Variants in FHOD3 observed in about 807,000 individuals in gnomAD.
FHOD3 encodes formin homology 2 domain containing 3.
A neutral mutation model predicts 173.0 loss-of-function variants in FHOD3; 90 were observed. The observed-to-expected ratio is 0.52, with a 90% confidence interval of 0.44 to 0.62. The LOEUF (loss-of-function observed/expected upper bound fraction) is 0.62. FHOD3 is among the 20% of genes least tolerant of loss of function. FHOD3 has a pLI of 0.00. For missense variants in FHOD3, 1,945 were observed against 2,034.7 expected (o/e 0.96, Z 0.85); for synonymous variants, 828 against 823.0 (o/e 1.01, Z -0.10).
At chr18:36,608,281 G>A (rs997488465) in intron 8 of FHOD3, among the ~76,000 whole-genome samples, 3 of 152,254 alleles carry the variant, frequency 2.0e-5, no homozygotes, top group Non-Finnish European at 4.4e-5. Flanking sequence ...ATCTGGCCAG[G>A]CCCTTCTTTT....
At chr18:36,686,558 G>A (rs546090340) in intron 15 of FHOD3, among the ~76,000 whole-genome samples, 15 of 151,682 alleles carry the variant, frequency 9.9e-5, no homozygotes, top group South Asian at 4.2e-4. Context: ...CTTAGGTGAC[G>A]GGTTGATAGG....
chr18:36,395,270 T>A (rs1168680945), intron 3 of FHOD3, among the ~76,000 whole-genome samples: 1 of 149,530 alleles, frequency 6.7e-6, no homozygotes, highest in Non-Finnish European at 1.5e-5. Flanking sequence ...TGAGCCAAGA[T>A]CATGCCACTG....
chr18:36,553,356 C>G (rs2057740545), intron 5 of FHOD3, among the ~76,000 whole-genome samples: 1 of 152,170 alleles, frequency 6.6e-6, no homozygotes, highest in African/African-American at 2.4e-5. Context: ...GGAGGATTCC[C>G]TCTTTTTCTG....
Position 36,709,133 on chromosome 18 carries a change from C to T in FHOD3, c.2275C>T (p.Pro759Ser). The change falls in exon 18 of 29, where the codon CCG (proline) becomes TCG (serine). Residue 759 changes from proline (P) to serine (S), a missense_variant. Pro to Ser is a moderately conservative substitution (Grantham distance 74, BLOSUM62 -1). Transcript: ENST00000590592. Reference sequence around the variant, plus strand: ...TCCTGAACCCGAATCAGAGGCAGAACCGGAAGCAGAGGCAGGGGCGGGGCA... The same window carrying T: ...TCCTGAACCCGAATCAGAGGCAGAATCGGAAGCAGAGGCAGGGGCGGGGCA... ...GDPEPESEAE[P>S]EAEAGAGQVA... The T allele has an allele frequency of 1.2e-6, 2 of 1,613,906 alleles. No homozygotes were observed. Among genetic ancestry groups the T allele is most frequent in the Non-Finnish European group, 8.5e-7 (1 of 1,179,810 alleles).
intron 7 of FHOD3, among the ~76,000 whole-genome samples, chr18:36,595,701 G>A (rs1018867017): frequency 4.6e-5 from 7 of 152,308 alleles, no homozygotes; most frequent in African/African-American, 9.6e-5. Flanking sequence ...GGCGAAGAAC[G>A]AGCTTCTGCT....
At chr18:36,652,460 T>G (rs929408520) in intron 11 of FHOD3, 110 bp from the exon 12 acceptor site, 1 of 1,281,960 alleles carries the variant, frequency 7.8e-7, no homozygotes, top group African/African-American at 1.5e-5. Flanking sequence ...TTGAAGTGAG[T>G]GATAATAGTA....
chr18:36,488,870 G>A (rs1162543414), intron 3 of FHOD3, among the ~76,000 whole-genome samples: 1 of 152,210 alleles, frequency 6.6e-6, no homozygotes, highest in African/African-American at 2.4e-5. Flanking sequence ...GTGTCAGGAT[G>A]AGGACTTTGA....
At position 36,755,245 on chromosome 18, in the gene FHOD3, G is replaced by T. The variant is rs772743596; in HGVS notation, c.4359G>T (p.Leu1453Phe). 6.2e-7 allele frequency: 1 copy of T among 1,612,338 alleles called. No individual in the cohort carries two copies. Among genetic ancestry groups the T allele is most frequent in the South Asian group, 1.1e-5 (1 of 90,842 alleles). Residue 1453 changes from leucine (L) to phenylalanine (F), a missense_variant, in exon 25 of 29, where the codon TTG becomes TTT. By Grantham distance (22) the Leu-to-Phe change is conservative (BLOSUM62 0). This residue lies in a region of FHOD3 where 354 missense variants were observed against 359.9 expected (regional missense o/e 0.98). Transcript: ENST00000590592. ...LEYRTTRERV[L>F]QQKQKRANHR... Reference sequence around the variant, plus strand: ...ATCGCACAACCAGGGAAAGGGTTTTGCAGCAGAAACAGAAACGGGCCAACC... The same window carrying T: ...ATCGCACAACCAGGGAAAGGGTTTTTCAGCAGAAACAGAAACGGGCCAACC...
intron 3 of FHOD3, among the ~76,000 whole-genome samples, chr18:36,489,105 C>T (rs540932774): frequency 4.2e-4 from 64 of 152,202 alleles, no homozygotes; most frequent in Admixed American, 1.0e-3. Context: ...TGGTTTCCAG[C>T]CCTTGAGCTA....
At chr18:36,375,101 A>G (rs1337281604) in intron 3 of FHOD3, among the ~76,000 whole-genome samples, 4 of 152,224 alleles carry the variant, frequency 2.6e-5, no homozygotes, top group African/African-American at 7.2e-5. Context: ...AATGTGTGCA[A>G]TCATGTTGAT....
At chr18:36,648,687 A>G (rs1000618859) in intron 10 of FHOD3, among the ~76,000 whole-genome samples, 1 of 152,096 alleles carries the variant, frequency 6.6e-6, no homozygotes, top group Non-Finnish European at 1.5e-5. Flanking sequence ...CCCAGGTGTG[A>G]TATGAATTGG....
At chr18:36,464,528 A>C (rs116466285) in intron 3 of FHOD3, among the ~76,000 whole-genome samples, 5,318 of 152,298 alleles carry the variant, frequency 0.035, 290 homozygotes, top group African/African-American at 0.12. Context: ...AGCCCAGTCA[A>C]GGAAACTTGG....
chr18:36,730,253 C>T (rs964279968), intron 19 of FHOD3, among the ~76,000 whole-genome samples: 1 of 152,166 alleles, frequency 6.6e-6, no homozygotes, highest in Non-Finnish European at 1.5e-5. Context: ...TCTCTGGGCA[C>T]GCACCATATG....
At chr18:36,345,962 G>GC (rs2045861733) in intron 1 of FHOD3, among the ~76,000 whole-genome samples, 2 of 152,114 alleles carry the variant, frequency 1.3e-5, no homozygotes, top group Non-Finnish European at 2.9e-5. Flanking sequence ...TTATCTTTCG[G>GC]CATGCCAATG....
At chr18:36,583,413 C>A (rs1244598106) in intron 6 of FHOD3, among the ~76,000 whole-genome samples, 5 of 152,188 alleles carry the variant, frequency 3.3e-5, no homozygotes, top group Admixed American at 6.5e-5. Context: ...TGGTTTCCTG[C>A]CCCTGCCCTA....
chr18:36,612,733 T>C (rs1384810947), intron 9 of FHOD3, among the ~76,000 whole-genome samples: 1 of 152,232 alleles, frequency 6.6e-6, no homozygotes, highest in East Asian at 1.9e-4. Context: ...AGAATGCAAA[T>C]ATAAGAGCCT....
intron 17 of FHOD3, among the ~76,000 whole-genome samples, chr18:36,695,253 G>A (rs1370744441): frequency 6.6e-6 from 1 of 151,854 alleles, no homozygotes; most frequent in Non-Finnish European, 1.5e-5. Flanking sequence ...TTAGGAGGCT[G>A]AGGGAGGAGA....
chr18:36,417,258 C>T (rs147618247), intron 3 of FHOD3, among the ~76,000 whole-genome samples: 3 of 152,198 alleles, frequency 2.0e-5, no homozygotes, highest in East Asian at 1.9e-4. Flanking sequence ...TCTATTGTTC[C>T]CCTCTATGTG....
chr18:36,769,743 G>C (rs1363162534), intron 28 of FHOD3, among the ~76,000 whole-genome samples: 2 of 152,090 alleles, frequency 1.3e-5, no homozygotes, highest in Non-Finnish European at 2.9e-5. Flanking sequence ...CGATGGGCTA[G>C]TGGAGCCCAT....
Sources: gnomAD v4.1 joint callset for allele counts (sites outside exome capture counted in the v4.1 genomes callset) on GRCh38, gnomAD v4.1.1 for gene constraint, gnomAD v4.1.1 regional missense constraint, MANE v1.5 for transcripts, NCBI Gene and HGNC (gene_info 2026-07-23, HGNC 2026-07-21) for gene names.